The following JAK1 variants were observed in gnomAD, a reference collection of about 807,000 sequenced individuals.
The protein encoded by JAK1 is Janus kinase 1.
A neutral mutation model predicts 136.6 loss-of-function variants in JAK1; 16 were observed. The observed-to-expected ratio is 0.12, with a 90% CI of 0.08 to 0.18. The LOEUF (loss-of-function observed/expected upper bound fraction) is 0.18, where lower values mean the gene tolerates loss of function less well. JAK1 is among the 10% of genes least tolerant of loss of function. The pLI, the probability that JAK1 is intolerant of heterozygous loss-of-function variation, is 1.00. For missense variants in JAK1, 859 were observed against 1,450.1 expected (o/e 0.59, Z 6.62); for synonymous variants, 492 against 519.5 (o/e 0.95, Z 0.72).
intron 21 of JAK1, 77 bp downstream of exon 21, chr1:64,838,388 G>C (rs766762953): frequency 6.2e-6 from 9 of 1,445,198 alleles, no homozygotes; most frequent in East Asian, 2.3e-5. Flanking sequence ...TACCCACTTA[G>C]AGTCAAATTA....
At chr1:64,958,133 G>C (rs1646223691) in intron 1 of JAK1, among the ~76,000 whole-genome samples, 1 of 152,232 alleles carries the variant, frequency 6.6e-6, no homozygotes, top group Non-Finnish European at 1.5e-5. Flanking sequence ...GATCTACAGA[G>C]AGTTGCTGAA....
intron 2 of JAK1, among the ~76,000 whole-genome samples, chr1:64,995,343 A>G (rs964678991): frequency 6.6e-6 from 1 of 152,166 alleles, no homozygotes; most frequent in Non-Finnish European, 1.5e-5. Flanking sequence ...TATCTTGCTT[A>G]ATGTCATCAG....
At position 65,052,506 on chromosome 1, in the gene JAK1, C is replaced by T. The variant is rs187618507; in HGVS notation, c.-180-7924G>A. Among the ~76,000 whole-genome samples the T allele has an allele frequency of 1.3e-3, 202 of 151,846 alleles. 1 individual carries two copies. Among genetic ancestry groups the T allele is most frequent in the African/African-American group, 4.5e-3 (188 of 41,376 alleles). ...CAGCCTGACCAACACGGTGAAACCCCGCCCCTACTAAAAATACAAAATCAG... is the reference window on the plus strand; with the variant it reads ...CAGCCTGACCAACACGGTGAAACCCTGCCCCTACTAAAAATACAAAATCAG... On this transcript the variant is annotated intron_variant, in intron 1 of 25. Transcript: ENST00000671954.
At chr1:64,860,549 G>A (rs1438531525) in intron 8 of JAK1, among the ~76,000 whole-genome samples, 1 of 151,810 alleles carries the variant, frequency 6.6e-6, no homozygotes, top group African/African-American at 2.4e-5. Context: ...CGCCTCCTGG[G>A]TCCAAGCGAT....
Position 64,857,764 on chromosome 1 carries a change from G to T in JAK1, c.1350C>A (p.Ile450=). 1.2e-6 allele frequency: 2 copies of T among 1,614,154 alleles called. No homozygotes were observed. Among genetic ancestry groups the T allele is most frequent in the Non-Finnish European group, 1.7e-6 (2 of 1,180,024 alleles). ...CHGPICTEYA[I]NKLRQEGSEE... is the part of the protein sequence containing the mutation. The stretch of plus-strand genomic sequence containing the variant: ...CGCTTCCTTCTTGCCGCAATTTATT[G>T]ATGGCGTATTCTGTACTAGAGGGAG... Residue 450 remains isoleucine, a synonymous_variant, in exon 10 of 25, where the codon ATC becomes ATA. Transcript: ENST00000342505.
intron 1 of JAK1, among the ~76,000 whole-genome samples, chr1:64,897,768 C>CAGA (rs3050462): frequency 0.79 from 119,003 of 151,442 alleles, 48,121 homozygotes; most frequent in Non-Finnish European, 0.89. Context: ...GTGAATTCCT[C>CAGA]AAGTGGAAAG....
chr1:64,839,034 T>C (rs1654694309), intron 20 of JAK1, among the ~76,000 whole-genome samples: 1 of 149,438 alleles, frequency 6.7e-6, no homozygotes, highest in African/African-American at 2.5e-5. Flanking sequence ...TAGTCCCAGC[T>C]ACTCGGGAGG....
At chr1:65,027,849 C>T (rs1646991137) in intron 2 of JAK1, among the ~76,000 whole-genome samples, 1 of 152,142 alleles carries the variant, frequency 6.6e-6, no homozygotes, top group Admixed American at 6.5e-5. Context: ...AGTGCTGCAC[C>T]CTGGATGCTG....
At chr1:64,944,775 G>C (rs919975672) in intron 1 of JAK1, among the ~76,000 whole-genome samples, 3 of 152,088 alleles carry the variant, frequency 2.0e-5, no homozygotes, top group Admixed American at 2.0e-4. Flanking sequence ...GAGGATATTC[G>C]TGAAAATATT....
chr1:64,932,133 G>T lies in JAK1; in HGVS notation c.-78+34200C>A, dbSNP rs1474178379. Among the ~76,000 whole-genome samples the T allele has an allele frequency of 5.3e-5, 8 of 149,648 alleles. 1 individual carries two copies. The highest frequency in any genetic ancestry group is 8.9e-5 in the Non-Finnish European group (6 of 67,444). On this transcript the variant is annotated intron_variant, in intron 1 of 24. Transcript: ENST00000342505. Reference sequence around the variant, plus strand: ...TGGCACTTTATAAATAAGAAATCTGGGCCAGGTGTGGTTGCTCACGCCTGT... The same window carrying T: ...TGGCACTTTATAAATAAGAAATCTGTGCCAGGTGTGGTTGCTCACGCCTGT...
chr1:64,900,297 A>AT (rs1645084927), intron 1 of JAK1, among the ~76,000 whole-genome samples: 1 of 152,224 alleles, frequency 6.6e-6, no homozygotes. Flanking sequence ...CTAGCATGGA[A>AT]TTATTCCAAA....
intron 5 of JAK1, among the ~76,000 whole-genome samples, chr1:64,869,823 G>C (rs1656965523): frequency 6.6e-6 from 1 of 152,210 alleles, no homozygotes; most frequent in Non-Finnish European, 1.5e-5. Flanking sequence ...GCTGAGGTCT[G>C]ATCATGCATG....
intron 5 of JAK1, among the ~76,000 whole-genome samples, chr1:64,872,868 T>C (rs1657155993): frequency 6.6e-6 from 1 of 152,196 alleles, no homozygotes. Flanking sequence ...CTACTAAAAA[T>C]CTTAGCAATC....
intron 2 of JAK1, among the ~76,000 whole-genome samples, chr1:65,024,167 T>C (rs548137977): frequency 2.4e-4 from 37 of 152,300 alleles, no homozygotes; most frequent in African/African-American, 8.2e-4. Flanking sequence ...TGTTTAATCA[T>C]TTGAGGACCT....
chr1:65,059,644 T>A (rs1383624521), intron 1 of JAK1, among the ~76,000 whole-genome samples: 2 of 152,226 alleles, frequency 1.3e-5, no homozygotes, highest in Non-Finnish European at 2.9e-5. Context: ...TTCTTCCTTT[T>A]AATAAAAAGT....
At chr1:64,905,735 C>T (rs4916009) in intron 1 of JAK1, among the ~76,000 whole-genome samples, 8,416 of 152,206 alleles carry the variant, frequency 0.055, 302 homozygotes, top group Non-Finnish European at 0.084. Context: ...CTCCCTTACT[C>T]CTATATTTAG....
At chr1:64,916,236 C>A (rs1357939251) in intron 1 of JAK1, among the ~76,000 whole-genome samples, 1 of 152,086 alleles carries the variant, frequency 6.6e-6, no homozygotes, top group Admixed American at 6.5e-5. Flanking sequence ...AAATTAATGT[C>A]TTCAGAAAGA....
rs551048677 is a variant in JAK1 at position 65,035,796 on chromosome 1, C to T, written c.-78+8684G>A. Among the ~76,000 whole-genome samples, 7 of 152,184 alleles carry T rather than the reference C, an allele frequency of 4.6e-5. No individual in the cohort carries two copies. The South Asian group carries it at 1.5e-3, about 32-fold the overall frequency. On this transcript the variant is annotated intron_variant, in intron 2 of 25. Transcript: ENST00000671954. ...CTAAAAGAAAAGAGCTGGCCGGACG[C>T]GGTGGTTCACGCCTGTAATCCCAGC...
chr1:65,054,254 T>C (rs537217671), intron 1 of JAK1, among the ~76,000 whole-genome samples: 57 of 152,238 alleles, frequency 3.7e-4, no homozygotes, highest in African/African-American at 1.3e-3. Context: ...CAGCAAGCTG[T>C]AGAATGCTCC....
Sources: allele counts gnomAD v4.1 joint callset (sites outside exome capture counted in the v4.1 genomes callset), GRCh38; gene constraint gnomAD v4.1.1; transcripts MANE v1.5; gene names NCBI Gene and HGNC (gene_info 2026-07-23, HGNC 2026-07-21).